SF3B1: variants seen among roughly 807,000 people sequenced by gnomAD.
The protein encoded by SF3B1 is pre-mRNA processing 10.
A neutral mutation model predicts 153.8 loss-of-function variants in SF3B1; 12 were observed. That is an observed-to-expected ratio of 0.08 (90% confidence interval 0.05 to 0.13). The LOEUF is 0.13. SF3B1 is among the 10% of genes least tolerant of loss of function. SF3B1 has a pLI of 1.00. For missense variants in SF3B1, 513 were observed against 1,606.1 expected (o/e 0.32, Z 11.63); for synonymous variants, 498 against 525.2 (o/e 0.95, Z 0.71).
In SF3B1 at chr2:197,401,927, AGATTT is replaced by A; in HGVS notation, c.2224-44_2224-40del. 1 of 1,589,726 alleles carries A rather than the reference AGATTT, an allele frequency of 6.3e-7. No homozygotes were observed. Among genetic ancestry groups the A allele is most frequent in the Non-Finnish European group, 8.5e-7 (1 of 1,171,748 alleles). On this transcript the variant is annotated intron_variant, in intron 15 of 24. Transcript: ENST00000335508. This position sits in a 1 kb window ranked among gnomAD's most constrained non-coding sequence, Gnocchi z 4.2. The stretch of plus-strand genomic sequence containing the variant: ...AAAAATATATGTACTTTAGTAATTT[AGATTT>A]ATGTCGCCTTAACTTTAATGAAGAT...
Position 197,409,846 on chromosome 2 carries a change from A to T in SF3B1, c.828T>A (p.His276Gln), listed in dbSNP as rs2085042786. ...ATPGRGDTPGHATPGHGGATS... is the reference protein window; with the variant it reads ...ATPGRGDTPGQATPGHGGATS... ...TTGCGCCTCCATGGCCTGGTGTCGC[A>T]TGGCCTGGTGTATCACCTCGTCCAG... is the stretch of plus-strand genomic sequence containing the variant. The change falls in exon 7 of 25, where the codon CAT (histidine) becomes CAA (glutamine). Residue 276 changes from histidine (H) to glutamine (Q), a missense_variant. By Grantham distance (24) the His-to-Gln change is conservative. This residue lies in a region of SF3B1 where 91 missense variants were observed against 157.4 expected (regional missense o/e 0.58). Transcript: ENST00000335508. 1 of 1,613,972 alleles carries T rather than the reference A, an allele frequency of 6.2e-7. No homozygotes were observed. The highest frequency in any genetic ancestry group is 8.5e-7 in the Non-Finnish European group (1 of 1,180,014).
At position 197,401,550 on chromosome 2, in the gene SF3B1, A is replaced by C. The variant is rs748577661; in HGVS notation, c.2371-25T>G. 2.5e-6 allele frequency: 4 copies of C among 1,600,384 alleles called. No individual in the cohort carries two copies. In the South Asian group the frequency reaches 4.5e-5, roughly 18 times the overall value. ...CCTAAAAGGTTAAGAAATAGTAATA[A>C]TAAATCAACTGACCTGAAATGAAGA... On this transcript the variant is annotated intron_variant, in intron 16 of 24. Transcript: ENST00000335508. This position sits in a 1 kb window ranked among gnomAD's most constrained non-coding sequence, Gnocchi z 4.2.
chr2:197,413,949 G>A (rs2085109644), intron 6 of SF3B1, among the ~76,000 whole-genome samples: 3 of 152,082 alleles, frequency 2.0e-5, no homozygotes, highest in South Asian at 2.1e-4. Context: ...TGGGATTACA[G>A]GTGCCCGCCA....
intron 1 of SF3B1, among the ~76,000 whole-genome samples, chr2:197,432,800 A>T (rs2085461172): frequency 6.6e-6 from 1 of 152,152 alleles, no homozygotes; most frequent in Non-Finnish European, 1.5e-5. Context: ...TAAAAGGCGG[A>T]GGTTGCTGTG....
chr2:197,418,445 C>A, intron 5 of SF3B1, 64 bp downstream of exon 5: 1 of 1,205,298 alleles, frequency 8.3e-7, no homozygotes, highest in Non-Finnish European at 1.2e-6. Flanking sequence ...ACCTAACAGT[C>A]TCTCAATCAC....
At chr2:197,405,232 T>C in intron 10 of SF3B1, 43 bp downstream of exon 10, 1 of 1,596,902 alleles carries the variant, frequency 6.3e-7, no homozygotes, top group Non-Finnish European at 8.6e-7. Flanking sequence ...GATTTATAAT[T>C]CTGGAACACA....
At position 197,392,210 on chromosome 2, in the gene SF3B1, C is replaced by T. The variant is rs538479854; in HGVS notation, c.*93G>A. 1 of 635,212 alleles carries T rather than the reference C, an allele frequency of 1.6e-6. No homozygotes were observed. Among genetic ancestry groups the T allele is most frequent in the Non-Finnish European group, 2.8e-6 (1 of 354,060 alleles). The allele number at this position is 635,212 out of a possible 1,614,324, so 39.3% of individuals were successfully genotyped here. On this transcript the variant is annotated 3_prime_UTR_variant, in exon 25 of 25. Coordinates refer to ENST00000335508, the MANE Select transcript of SF3B1 (RefSeq NM_012433.4). Reference sequence around the variant, plus strand: ...CTCTTCCTCTATGACCAGTTCTACACTGATCTGCAATGTTTAAAAGTTTAC... The same window carrying T: ...CTCTTCCTCTATGACCAGTTCTACATTGATCTGCAATGTTTAAAAGTTTAC...
intron 6 of SF3B1, among the ~76,000 whole-genome samples, chr2:197,413,139 A>C (rs2085097321): frequency 6.6e-6 from 1 of 152,130 alleles, no homozygotes; most frequent in Non-Finnish European, 1.5e-5. Context: ...GGTGGCTCAT[A>C]ACTGTAATCC....
Position 197,400,275 on chromosome 2 carries a change from C to T in SF3B1, c.2878G>A (p.Val960Ile), listed in dbSNP as rs2084924797. 6.2e-7 allele frequency: 1 copy of T among 1,613,992 alleles called. No individual in the cohort carries two copies. The change falls in exon 19 of 25, where the codon GTT (valine) becomes ATT (isoleucine). Residue 960 changes from valine (V) to isoleucine (I), a missense_variant. Val to Ile is a conservative substitution (Grantham distance 29, BLOSUM62 3). This residue lies in a region of SF3B1 where 20 missense variants were observed against 90.4 expected (regional missense o/e 0.22). Transcript: ENST00000335508. This position sits in a 1 kb window ranked among gnomAD's most constrained non-coding sequence, Gnocchi z 5.0. ...ACCTCTTGACAAGTCTTCATGACAA[C>T]AGCAGTTCGAGAAATCAAGTCAGCT... ...QAADLISRTA[V>I]VMKTCQEEKL... is the part of the protein sequence containing the mutation.
At chr2:197,423,258 G>A (rs1248813650) in intron 2 of SF3B1, among the ~76,000 whole-genome samples, 2 of 151,592 alleles carry the variant, frequency 1.3e-5, no homozygotes, top group Non-Finnish European at 2.9e-5. Flanking sequence ...ATGGTAGCAG[G>A]CGCCTGTAAT....
rs150716703 is a variant in SF3B1 at position 197,400,503 on chromosome 2, A to T, written c.2719-69T>A. The T allele has an allele frequency of 1.5e-3, 2,001 of 1,360,226 alleles. 17 individuals are homozygous for T. The highest frequency in any genetic ancestry group is 0.011 in the Admixed American group (467 of 43,668). 84.3% of individuals were successfully genotyped at this position (1,360,226 alleles called of 1,614,324 possible). ...GACTGCACAGTTGAAATACACTAAG[A>T]GTCAACCTTTTCTAACCACCCAAAC... On this transcript the variant is annotated intron_variant, in intron 18 of 24. Transcript: ENST00000335508. This position sits in a 1 kb window ranked among gnomAD's most constrained non-coding sequence, Gnocchi z 5.0.
chr2:197,418,973 A>G, intron 4 of SF3B1: 1 of 1,555,350 alleles, frequency 6.4e-7, no homozygotes, highest in Non-Finnish European at 8.8e-7. Flanking sequence ...TCTCTTTACC[A>G]TTAGTAACAC....
intron 1 of SF3B1, among the ~76,000 whole-genome samples, chr2:197,431,896 C>CA (rs1250257931): frequency 6.6e-6 from 1 of 151,884 alleles, no homozygotes; most frequent in Non-Finnish European, 1.5e-5. Context: ...GAGGCCAAGG[C>CA]AGGACTGCTT....
chr2:197,418,468 ATTCT>A, intron 5 of SF3B1, 37 bp downstream of exon 5: 1 of 1,449,856 alleles, frequency 6.9e-7, no homozygotes, highest in Non-Finnish European at 9.6e-7. Flanking sequence ...CTGTATTTAT[ATTCT>A]TTCACAACCA....
chr2:197,406,796 AAAAAC>A (rs1470182883), intron 9 of SF3B1, among the ~76,000 whole-genome samples: 4 of 152,220 alleles, frequency 2.6e-5, no homozygotes, highest in African/African-American at 4.8e-5. Context: ...ACAGGGGATC[AAAAAC>A]AAAACAAGGC....
At chr2:197,421,905 C>T (rs1021325906) in intron 2 of SF3B1, among the ~76,000 whole-genome samples, 3 of 152,032 alleles carry the variant, frequency 2.0e-5, no homozygotes, top group Non-Finnish European at 2.9e-5. Flanking sequence ...TGCTTGATCT[C>T]GGGAGGCGAA....
At chr2:197,434,652 C>CA (rs1409688066) in intron 1 of SF3B1, among the ~76,000 whole-genome samples, 1 of 152,214 alleles carries the variant, frequency 6.6e-6, no homozygotes, top group East Asian at 1.9e-4. Flanking sequence ...ACCTTCTCCC[C>CA]ACGCCCGCTT....
chr2:197,428,851 C>G (rs2085377800), intron 1 of SF3B1, among the ~76,000 whole-genome samples: 1 of 152,002 alleles, frequency 6.6e-6, no homozygotes, highest in Non-Finnish European at 1.5e-5. Context: ...GCCGAGATCA[C>G]AGCACTGCAC....
At position 197,403,759 on chromosome 2, in the gene SF3B1, T is replaced by C. The variant is rs1375704037; in HGVS notation, c.1545A>G (p.Ala515=). ...KNGTPPMRKA[A]LRQITDKARE... Reference sequence around the variant, plus strand: ...GAGCTTTATCAGTAATCTGACGCAATGCAGCCTGGGAAAAAGAGCAGAGTA... The same window carrying C: ...GAGCTTTATCAGTAATCTGACGCAACGCAGCCTGGGAAAAAGAGCAGAGTA... Residue 515 remains alanine (A), a synonymous_variant, in exon 12 of 25, where the codon GCA becomes GCG. Transcript: ENST00000335508. 2.5e-6 allele frequency: 4 copies of C among 1,582,802 alleles called. No homozygotes were observed. The highest frequency in any genetic ancestry group is 2.4e-5 in the South Asian group (2 of 84,352).
Sources: gnomAD v4.1 joint callset for allele counts (sites outside exome capture counted in the v4.1 genomes callset) on GRCh38, gnomAD v4.1.1 for gene constraint, gnomAD v4.1.1 regional missense constraint, Gnocchi (gnomAD v3.1) non-coding constraint, MANE v1.5 for transcripts, NCBI Gene and HGNC (gene_info 2026-07-23, HGNC 2026-07-21) for gene names.